The following UST variants were observed in gnomAD, a reference collection of about 807,000 sequenced individuals.
UST encodes chondroitin sulfate 2-O-sulfotransferase.
In UST, 21 loss-of-function variants were observed where a neutral mutation model predicts 45.6. The ratio of observed to expected loss-of-function variants is 0.46; its 90% confidence interval spans 0.33 to 0.66. The LOEUF (loss-of-function observed/expected upper bound fraction) is 0.66. UST is among the 30% of genes least tolerant of loss of function. The probability of loss-of-function intolerance (pLI) is 0.02; values close to 1 mark genes in which losing one functional copy is unlikely to be tolerated. For synonymous variants in UST, 215 were observed against 200.6 expected (o/e 1.07, Z -0.61); for missense variants, 463 against 512.4 (o/e 0.90, Z 0.93).
At chr6:148,911,798 C>T (rs1379196598) in intron 2 of UST, among the ~76,000 whole-genome samples, 1 of 151,710 alleles carries the variant, frequency 6.6e-6, no homozygotes, top group African/African-American at 2.4e-5. Flanking sequence ...TTCTTTTGTT[C>T]TTGTATTAAT....
In UST at chr6:149,020,126, C is replaced by T. The variant is rs575145336; in HGVS notation, c.779+890C>T. ...AGAACTGCTACTTCTACACCGGCAA[C>T]GCATTCATTGTACCTTTTTGCTTAT... is the stretch of plus-strand genomic sequence containing the variant. On this transcript the variant is annotated intron_variant, in intron 6 of 7. Transcript: ENST00000367463. 1.1e-4 allele frequency among the ~76,000 whole-genome samples: 17 copies of T among 152,366 alleles called. No individual in the cohort carries two copies. In the South Asian group the frequency reaches 1.5e-3, roughly 13 times the overall value.
chr6:148,987,288 T>C (rs564832567), intron 5 of UST, among the ~76,000 whole-genome samples: 1 of 152,302 alleles, frequency 6.6e-6, no homozygotes, highest in African/African-American at 2.4e-5. Context: ...CAGGGAGGTA[T>C]GCAGAAGCTT....
rs148867700 is a variant in UST, at chr6:148,750,174, T to C, written c.247+2497T>C. Among the ~76,000 whole-genome samples the C allele has an allele frequency of 4.8e-3, 735 of 152,346 alleles. 2 individuals carry two copies. Among genetic ancestry groups the C allele is most frequent in the Non-Finnish European group, 7.7e-3 (523 of 68,028 alleles). ...AAAGTAAAAATTTTCCAAATCAAAA[T>C]ATGTTTATATCAAACACTTTTCTTT... On this transcript the variant is annotated intron_variant, in intron 1 of 7. Coordinates refer to ENST00000367463, the MANE Select transcript of UST (RefSeq NM_005715.3).
chr6:148,846,377 C>T (rs1283679825), intron 1 of UST, among the ~76,000 whole-genome samples: 3 of 151,754 alleles, frequency 2.0e-5, no homozygotes. Flanking sequence ...TGTTCTCACT[C>T]ATAGGTGGGA....
intron 2 of UST, among the ~76,000 whole-genome samples, chr6:148,937,607 T>A (rs1192502803): frequency 6.6e-6 from 1 of 152,230 alleles, no homozygotes; most frequent in African/African-American, 2.4e-5. Flanking sequence ...ATTAAGTGAT[T>A]TCACCTAAGT....
chr6:148,944,373 T>G (rs1183708438), intron 3 of UST, among the ~76,000 whole-genome samples: 1 of 152,162 alleles, frequency 6.6e-6, no homozygotes, highest in East Asian at 1.9e-4. Flanking sequence ...AACTACTGAC[T>G]TACAAATGAA....
At chr6:148,801,750 A>G (rs191363089) in intron 1 of UST, among the ~76,000 whole-genome samples, 4 of 152,226 alleles carry the variant, frequency 2.6e-5, no homozygotes, top group Admixed American at 2.0e-4. Flanking sequence ...TGGCCCCGGC[A>G]TATCTCATTC....
At chr6:148,840,230 G>T (rs921462819) in intron 1 of UST, among the ~76,000 whole-genome samples, 1 of 152,156 alleles carries the variant, frequency 6.6e-6, no homozygotes, top group Non-Finnish European at 1.5e-5. Flanking sequence ...TGCATCTGGG[G>T]CTGCACTGCT....
chr6:149,068,526 C>G (rs1776774326), intron 7 of UST, among the ~76,000 whole-genome samples: 1 of 152,222 alleles, frequency 6.6e-6, no homozygotes, highest in South Asian at 2.1e-4. Flanking sequence ...GGACTGTCAC[C>G]ATCTCGCACC....
intron 2 of UST, among the ~76,000 whole-genome samples, chr6:148,928,401 A>G (rs1222194536): frequency 1.3e-5 from 2 of 152,218 alleles, no homozygotes; most frequent in African/African-American, 4.8e-5. Flanking sequence ...TCCTCTTTCT[A>G]TCAGATCACA....
At chr6:149,062,662 A>T (rs143914774) in intron 7 of UST, among the ~76,000 whole-genome samples, 2 of 152,362 alleles carry the variant, frequency 1.3e-5, no homozygotes, top group African/African-American at 2.4e-5. Flanking sequence ...GGGTGGTTAT[A>T]GATTTCCACT....
chr6:148,956,887 T>C (rs1780522850), intron 4 of UST, among the ~76,000 whole-genome samples: 1 of 152,162 alleles, frequency 6.6e-6, no homozygotes, highest in African/African-American at 2.4e-5. Flanking sequence ...GAGAGGGTGG[T>C]CACAGGGCTT....
chr6:148,798,386 G>A (rs1776991638), intron 1 of UST, among the ~76,000 whole-genome samples: 1 of 152,110 alleles, frequency 6.6e-6, no homozygotes, highest in African/African-American at 2.4e-5. Context: ...GGAGGCTAAC[G>A]GGCTGTGTTT....
intron 7 of UST, among the ~76,000 whole-genome samples, chr6:149,039,807 C>T (rs184560875): frequency 4.6e-5 from 7 of 152,334 alleles, no homozygotes; most frequent in Admixed American, 1.3e-4. Context: ...GTCATTTGCA[C>T]GAAGTGGAGG....
chr6:148,841,965 A>G (rs1777900074), intron 1 of UST, among the ~76,000 whole-genome samples: 2 of 152,082 alleles, frequency 1.3e-5, no homozygotes, highest in Non-Finnish European at 2.9e-5. Flanking sequence ...AATTAGCTGG[A>G]CGTGGTGGCA....
chr6:148,812,989 G>A (rs187221270), intron 1 of UST, among the ~76,000 whole-genome samples: 31 of 152,126 alleles, frequency 2.0e-4, no homozygotes, highest in Middle Eastern at 3.4e-3. Flanking sequence ...CAGAATTATC[G>A]GATCATACAG....
At chr6:148,780,978 C>T (rs1249109789) in intron 1 of UST, among the ~76,000 whole-genome samples, 2 of 152,200 alleles carry the variant, frequency 1.3e-5, no homozygotes, top group Admixed American at 1.3e-4. Context: ...TTCCCTGTCT[C>T]TCTTCCTCTC....
At chr6:148,787,601 A>G (rs544336959) in intron 1 of UST, among the ~76,000 whole-genome samples, 3 of 152,262 alleles carry the variant, frequency 2.0e-5, no homozygotes, top group Non-Finnish European at 2.9e-5. Flanking sequence ...GCCCTGTAGT[A>G]TAGTTTGAAG....
intron 1 of UST, among the ~76,000 whole-genome samples, chr6:148,782,819 G>A (rs763747192): frequency 2.6e-5 from 4 of 152,156 alleles, no homozygotes; most frequent in South Asian, 2.1e-4. Context: ...TGGCGAAGAC[G>A]CGGTGAACAT....
Sources: allele counts gnomAD v4.1 joint callset (sites outside exome capture counted in the v4.1 genomes callset), GRCh38; gene constraint gnomAD v4.1.1; transcripts MANE v1.5; gene names NCBI Gene and HGNC (gene_info 2026-07-23, HGNC 2026-07-21).